DMXL1: variants seen among roughly 807,000 people sequenced by gnomAD.
The protein encoded by DMXL1 is dmX-like protein 1.
A neutral mutation model predicts 319.2 loss-of-function variants in DMXL1; 99 were observed. That is an observed-to-expected ratio of 0.31 (90% CI 0.26 to 0.37). The LOEUF (loss-of-function observed/expected upper bound fraction) is 0.37. Ranked by LOEUF, DMXL1 falls within the 10% of genes least tolerant of loss-of-function variation. DMXL1 has a pLI of 1.00. For synonymous variants in DMXL1, 1,385 were observed against 1,235.2 expected (o/e 1.12, Z -2.54); for missense variants, 3,745 against 3,595.6 (o/e 1.04, Z -1.06).
intron 1 of DMXL1, among the ~76,000 whole-genome samples, chr5:119,095,625 T>C (rs902665903): frequency 6.6e-6 from 1 of 152,206 alleles, no homozygotes; most frequent in Non-Finnish European, 1.5e-5. Context: ...CAAATCTAAA[T>C]TGTAAACATG....
At chr5:119,139,384 TCA>T (rs1347606225) in intron 13 of DMXL1, among the ~76,000 whole-genome samples, 1 of 152,120 alleles carries the variant, frequency 6.6e-6, no homozygotes, top group Non-Finnish European at 1.5e-5. Context: ...GAGACCCCTC[TCA>T]CATGTAATGA....
At chr5:119,119,951 G>A (rs576543674) in intron 8 of DMXL1, among the ~76,000 whole-genome samples, 1 of 151,950 alleles carries the variant, frequency 6.6e-6, no homozygotes, top group African/African-American at 2.4e-5. Context: ...GGCGATACCA[G>A]CTCACTGCAA....
intron 10 of DMXL1, 131 bp downstream of exon 10, chr5:119,129,554 A>C: frequency 3.1e-5 from 20 of 641,410 alleles, no homozygotes; most frequent in East Asian, 5.6e-5. Context: ...GGACTAGCTC[A>C]TTTAATAATC....
chr5:119,175,149 A>G (rs1053590683), intron 25 of DMXL1, 112 bp from the exon 26 acceptor site: 7 of 680,200 alleles, frequency 1.0e-5, no homozygotes, highest in African/African-American at 1.9e-5. Context: ...CATGAAGGCA[A>G]AGAATCAAAA....
intron 26 of DMXL1, among the ~76,000 whole-genome samples, chr5:119,175,832 T>C (rs1775689537): frequency 6.6e-6 from 1 of 152,120 alleles, no homozygotes; most frequent in African/African-American, 2.4e-5. Context: ...CTTTATGTTA[T>C]AAAGTTTTAC....
At chr5:119,129,603 A>G (rs561124105) in intron 10 of DMXL1, among the ~76,000 whole-genome samples, 180 bp downstream of exon 10, 1 of 152,298 alleles carries the variant, frequency 6.6e-6, no homozygotes, top group Admixed American at 6.5e-5. Flanking sequence ...TTTCTTCCAC[A>G]TGGTTATTTA....
At chr5:119,172,783 G>A (rs1054162030) in intron 25 of DMXL1, among the ~76,000 whole-genome samples, 1 of 151,758 alleles carries the variant, frequency 6.6e-6, no homozygotes. Flanking sequence ...CACCTCACAG[G>A]TTGTATCACA....
At chr5:119,225,035 A>G (rs962995209) in intron 38 of DMXL1, among the ~76,000 whole-genome samples, 3 of 152,024 alleles carry the variant, frequency 2.0e-5, no homozygotes, top group Admixed American at 6.5e-5. Context: ...GCGACTACCA[A>G]TACACAAAAT....
At chr5:119,098,230 G>C in intron 2 of DMXL1, 126 bp downstream of exon 2, 2 of 1,143,058 alleles carry the variant, frequency 1.7e-6, no homozygotes, top group Middle Eastern at 5.8e-4. Context: ...GTAGCTAGAA[G>C]AATTTTTGGC....
At chr5:119,219,443 G>T (rs896078074) in intron 35 of DMXL1, among the ~76,000 whole-genome samples, 4 of 151,920 alleles carry the variant, frequency 2.6e-5, no homozygotes, top group Non-Finnish European at 4.4e-5. Flanking sequence ...TATTTCTAAG[G>T]TCTCAGTTTT....
chr5:119,121,614 A>G (rs1380359709), intron 9 of DMXL1, among the ~76,000 whole-genome samples: 1 of 152,188 alleles, frequency 6.6e-6, no homozygotes, highest in Non-Finnish European at 1.5e-5. Flanking sequence ...TCACAGATCA[A>G]CAGGATCCCA....
chr5:119,074,379 C>A (rs147345369), intron 1 of DMXL1, among the ~76,000 whole-genome samples: 10 of 152,294 alleles, frequency 6.6e-5, no homozygotes, highest in East Asian at 3.9e-4. Flanking sequence ...TTGAAAAATT[C>A]TTTTATTCCT....
At chr5:119,105,796 C>A (rs1258698691) in intron 4 of DMXL1, among the ~76,000 whole-genome samples, 1 of 151,178 alleles carries the variant, frequency 6.6e-6, no homozygotes, top group Non-Finnish European at 1.5e-5. Context: ...ACTTGGGAGG[C>A]TGAGGCTAGA....
intron 19 of DMXL1, among the ~76,000 whole-genome samples, chr5:119,155,223 T>G (rs368738188): frequency 6.6e-6 from 1 of 152,228 alleles, no homozygotes; most frequent in African/African-American, 2.4e-5. Flanking sequence ...TTAAGTCTTA[T>G]CATTTAAGAA....
rs1051388359 is a variant in DMXL1 at position 119,077,634 on chromosome 5, C to CT, written c.87+5995dup. Among the ~76,000 whole-genome samples, 588 of 70,664 alleles carry CT rather than the reference C, an allele frequency of 8.3e-3. 9 individuals carry two copies. Among genetic ancestry groups the CT allele is most frequent in the African/African-American group, 0.018 (352 of 19,270 alleles). The allele number at this position is 70,664 out of a possible 152,430, so 46.4% of individuals were successfully genotyped here. A position where few individuals can be genotyped will look rare whatever the true frequency, so the allele number is the denominator to read the frequency against. ...CACAGACACGTGCCACCATTCCTGG[C>CT]TTTTTTTTTTTTTTTTTGTATATGT... is the stretch of plus-strand genomic sequence containing the variant. On this transcript the variant is annotated intron_variant, in intron 1 of 43. Coordinates refer to ENST00000539542, the MANE Select transcript of DMXL1 (RefSeq NM_001290321.3).
At chr5:119,171,727 G>C (rs779479887) in intron 24 of DMXL1, 51 bp from the exon 25 acceptor site, 8 of 1,453,812 alleles carry the variant, frequency 5.5e-6, no homozygotes, top group Non-Finnish European at 7.5e-6. Flanking sequence ...TGAAGTAATG[G>C]TTTGTAACTG....
In DMXL1 at chr5:119,077,851, G is replaced by GTA. The variant is rs1344930591; in HGVS notation, c.87+6202_87+6203dup. ...AAAAAATATATACGTGTGTGTGTGT[G>GTA]TATATATACGTGTGTGTGTGTGTGT... On this transcript the variant is annotated intron_variant, in intron 1 of 43. Coordinates refer to ENST00000539542, the MANE Select transcript of DMXL1 (RefSeq NM_001290321.3). Among the ~76,000 whole-genome samples the GTA allele has an allele frequency of 3.0e-5, 4 of 135,184 alleles. No homozygotes were observed. The East Asian group carries it at 9.4e-4, about 32-fold the overall frequency. 88.7% of individuals were successfully genotyped at this position (135,184 alleles called of 152,430 possible). A position where few individuals can be genotyped will look rare whatever the true frequency, so the allele number is the denominator to read the frequency against.
rs544124453 is a variant in DMXL1 at position 119,223,217 on chromosome 5, C to T, written c.8278-1492C>T. 7.2e-5 allele frequency among the ~76,000 whole-genome samples: 11 copies of T among 151,920 alleles called. No individual in the cohort carries two copies. In the South Asian group the frequency reaches 8.3e-4, roughly 11 times the overall value. ...GATTACAGGCATGCACTACCATGCC[C>T]GGCTAATTTTTGTATTTTTAGTAGA... On this transcript the variant is annotated intron_variant, in intron 37 of 43. Transcript: ENST00000539542.
rs1325564100 is a variant in DMXL1, at chr5:119,071,505, G to A, written c.-65G>A. 5 of 1,489,838 alleles carry A rather than the reference G, an allele frequency of 3.4e-6. No individual in the cohort carries two copies. The highest frequency in any genetic ancestry group is 3.7e-6 in the Non-Finnish European group (4 of 1,090,484). The allele number at this position is 1,489,838 out of a possible 1,614,324, so 92.3% of individuals were successfully genotyped here. Reference sequence around the variant, plus strand: ...CGCCGCCCCTGAGGGAAGGAGGGAGGGAAGCAGCCGCTGACCCGTGGCATG... The same window carrying A: ...CGCCGCCCCTGAGGGAAGGAGGGAGAGAAGCAGCCGCTGACCCGTGGCATG... On this transcript the variant is annotated 5_prime_UTR_variant, in exon 1 of 44. Coordinates refer to ENST00000539542, the MANE Select transcript of DMXL1 (RefSeq NM_001290321.3).
Sources: allele counts gnomAD v4.1 joint callset (sites outside exome capture counted in the v4.1 genomes callset), GRCh38; gene constraint gnomAD v4.1.1; transcripts MANE v1.5; gene names NCBI Gene and HGNC (gene_info 2026-07-23, HGNC 2026-07-21).